The following ENOX1 variants were observed in gnomAD, a reference collection of about 807,000 sequenced individuals.
The protein encoded by ENOX1 is candidate growth-related and time keeping constitutive hydroquinone (NADH) oxidase.
ENOX1 carries 42 observed loss-of-function variants against 82.5 expected under a neutral mutation model. That is an observed-to-expected ratio of 0.51 (90% CI 0.40 to 0.66). The LOEUF is 0.66. ENOX1 is among the 30% of genes least tolerant of loss of function. The probability of loss-of-function intolerance (pLI) is 0.00; values close to 1 mark genes in which losing one functional copy is unlikely to be tolerated. For synonymous variants in ENOX1, 271 were observed against 282.2 expected, an observed-to-expected ratio of 0.96 and a Z score of 0.40; for missense variants, 608 against 811.6, an observed-to-expected ratio of 0.75 and a Z score of 3.05.
At position 43,338,676 on chromosome 13, in the gene ENOX1, G is replaced by GTTT. The variant is rs71099830; in HGVS notation, c.1036+5859_1036+5861dup. On this transcript the variant is annotated intron_variant, in intron 9 of 16. Coordinates refer to ENST00000690772, the MANE Select transcript of ENOX1 (RefSeq NM_001347969.2). Reference sequence around the variant, plus strand: ...CCATACTCCCCAAAATTCAGGTTGGGTTTTTTTTTTTTTTTTTTTTTTTTT... The same window carrying GTTT: ...CCATACTCCCCAAAATTCAGGTTGGGTTTTTTTTTTTTTTTTTTTTTTTTTTTT... 2.2e-3 allele frequency among the ~76,000 whole-genome samples: 177 copies of GTTT among 81,278 alleles called. 8 individuals carry two copies. The highest frequency in any genetic ancestry group is 3.5e-3 in the African/African-American group (65 of 18,640). 53.3% of individuals were successfully genotyped at this position (81,278 alleles called of 152,430 possible).
chr13:43,662,701 T>A (rs1269176953), intron 2 of ENOX1, among the ~76,000 whole-genome samples: 1 of 152,190 alleles, frequency 6.6e-6, no homozygotes, highest in African/African-American at 2.4e-5. Flanking sequence ...AGGAACTCTG[T>A]TTTCCTCTAC....
chr13:43,594,769 C>T (rs567798767), intron 2 of ENOX1, among the ~76,000 whole-genome samples: 3 of 152,236 alleles, frequency 2.0e-5, no homozygotes, highest in South Asian at 4.1e-4. Context: ...CCAAACCTCA[C>T]GACCGAAGTT....
intron 11 of ENOX1, among the ~76,000 whole-genome samples, chr13:43,305,937 G>A (rs2046834185): frequency 6.6e-6 from 1 of 152,186 alleles, no homozygotes; most frequent in Non-Finnish European, 1.5e-5. Context: ...GACAGGGCAG[G>A]GAAGCAGAGC....
intron 3 of ENOX1, among the ~76,000 whole-genome samples, chr13:43,480,287 AAC>A (rs1179868906): frequency 6.6e-6 from 1 of 152,160 alleles, no homozygotes; most frequent in Non-Finnish European, 1.5e-5. Context: ...CATCACAAAG[AAC>A]TGTCCCACTT....
intron 1 of ENOX1, among the ~76,000 whole-genome samples, chr13:43,715,280 G>T: frequency 6.6e-6 from 1 of 152,106 alleles, no homozygotes; most frequent in Non-Finnish European, 1.5e-5. Context: ...CGAGAGATCC[G>T]CTGTTAGTCT....
chr13:43,261,624 T>C (rs887894477), intron 14 of ENOX1, among the ~76,000 whole-genome samples: 1 of 151,218 alleles, frequency 6.6e-6, no homozygotes, highest in Non-Finnish European at 1.5e-5. Context: ...ATTAAGAAAA[T>C]GTGGCACATA....
rs148278456 is a variant in ENOX1, at chr13:43,664,237, A to G, written c.-219+3242T>C. Among the ~76,000 whole-genome samples, 123 of 152,328 alleles carry G rather than the reference A, an allele frequency of 8.1e-4. 1 individual carries two copies. Among genetic ancestry groups the G allele is most frequent in the African/African-American group, 2.6e-3 (110 of 41,586 alleles). On this transcript the variant is annotated intron_variant, in intron 2 of 16. Transcript: ENST00000690772. ...TCAGAGTTTAACAAGTTAGCAAATTATTATCAAGTCCATGAGAATCTTATA... is the reference window on the plus strand; with the variant it reads ...TCAGAGTTTAACAAGTTAGCAAATTGTTATCAAGTCCATGAGAATCTTATA...
intron 1 of ENOX1, among the ~76,000 whole-genome samples, chr13:43,710,859 T>A (rs2087644849): frequency 1.3e-5 from 2 of 148,960 alleles, no homozygotes; most frequent in East Asian, 2.1e-4. Flanking sequence ...GCATCCACAA[T>A]AAAAGAAATA....
chr13:43,568,592 C>T (rs1291362728), intron 2 of ENOX1, among the ~76,000 whole-genome samples: 1 of 151,840 alleles, frequency 6.6e-6, no homozygotes, highest in East Asian at 1.9e-4. Context: ...GAGAGCAATG[C>T]AAATAAGAAA....
chr13:43,461,686 A>G (rs1215509446), intron 3 of ENOX1, among the ~76,000 whole-genome samples: 1 of 152,200 alleles, frequency 6.6e-6, no homozygotes, highest in Non-Finnish European at 1.5e-5. Context: ...TGGAATTTTA[A>G]TTAGAGAGCC....
intron 1 of ENOX1, among the ~76,000 whole-genome samples, chr13:43,764,435 TG>T (rs1951156712): frequency 6.6e-6 from 1 of 152,186 alleles, no homozygotes; most frequent in Non-Finnish European, 1.5e-5. Context: ...ATAATTATGA[TG>T]GAAACACTTT....
At chr13:43,492,816 T>C (rs1488675801) in intron 2 of ENOX1, among the ~76,000 whole-genome samples, 1 of 152,230 alleles carries the variant, frequency 6.6e-6, no homozygotes, top group Non-Finnish European at 1.5e-5. Flanking sequence ...TGTTGTTAAC[T>C]TGGCTAGGCC....
At chr13:43,621,248 A>G (rs1189946849) in intron 2 of ENOX1, among the ~76,000 whole-genome samples, 2 of 152,276 alleles carry the variant, frequency 1.3e-5, no homozygotes, top group East Asian at 3.9e-4. Flanking sequence ...TAGTATTGAG[A>G]TGTGAGGTAC....
intron 10 of ENOX1, among the ~76,000 whole-genome samples, chr13:43,323,349 T>C (rs2047922367): frequency 6.6e-6 from 1 of 152,178 alleles, no homozygotes; most frequent in Non-Finnish European, 1.5e-5. Flanking sequence ...TCTCCATTTA[T>C]TAGGGGAGTG....
rs1457149422 is a variant in ENOX1 at position 43,616,204 on chromosome 13, A to ATATATATATATATATATTTTT, written c.-219+51274_-219+51275insAAAAATATATATATATATATA. ...TATCTATCTATATATATATATATAT[A>ATATATATATATATATATTTTT]TTTTTTTTTTTTTTTTAGGACGGAG... On this transcript the variant is annotated intron_variant, in intron 2 of 16. Coordinates refer to ENST00000690772, the MANE Select transcript of ENOX1 (RefSeq NM_001347969.2). 3.7e-3 allele frequency among the ~76,000 whole-genome samples: 57 copies of ATATATATATATATATATTTTT among 15,294 alleles called. 2 individuals are homozygous for ATATATATATATATATATTTTT. Among genetic ancestry groups the ATATATATATATATATATTTTT allele is most frequent in the Non-Finnish European group, 0.01 (50 of 4,786 alleles). The allele number at this position is 15,294 out of a possible 152,430, so 10.0% of individuals were successfully genotyped here. A position where few individuals can be genotyped will look rare whatever the true frequency, so the allele number is the denominator to read the frequency against.
chr13:43,681,500 A>AT (rs968438766), intron 1 of ENOX1, among the ~76,000 whole-genome samples: 9 of 152,086 alleles, frequency 5.9e-5, no homozygotes, highest in African/African-American at 1.4e-4. Flanking sequence ...AATCTTGAGA[A>AT]TTTTTTTTAA....
intron 2 of ENOX1, among the ~76,000 whole-genome samples, chr13:43,596,611 T>C (rs1471999139): frequency 6.6e-6 from 1 of 152,226 alleles, no homozygotes; most frequent in Admixed American, 6.5e-5. Flanking sequence ...TAAAGCAGCA[T>C]CCTTTCTGTG....
At chr13:43,577,582 G>A (rs1445486145) in intron 2 of ENOX1, among the ~76,000 whole-genome samples, 3 of 152,106 alleles carry the variant, frequency 2.0e-5, no homozygotes, top group Non-Finnish European at 4.4e-5. Flanking sequence ...AAGAAAAGAG[G>A]AATTCCCTCC....
chr13:43,715,006 T>C (rs2088011193), intron 1 of ENOX1, among the ~76,000 whole-genome samples: 1 of 152,190 alleles, frequency 6.6e-6, no homozygotes, highest in South Asian at 2.1e-4. Context: ...TTCCTAGCCT[T>C]GATGGTCGTT....
Sources: allele counts gnomAD v4.1 joint callset (sites outside exome capture counted in the v4.1 genomes callset), GRCh38; gene constraint gnomAD v4.1.1; transcripts MANE v1.5; gene names NCBI Gene and HGNC (gene_info 2026-07-23, HGNC 2026-07-21).